Variants in WEE2 observed in about 807,000 individuals in gnomAD.
WEE2 encodes WEE2 oocyte meiosis inhibiting kinase.
In WEE2, 50 loss-of-function variants were observed where a neutral mutation model predicts 60.1. The observed-to-expected ratio is 0.83, with a 90% confidence interval of 0.66 to 1.05. The LOEUF (loss-of-function observed/expected upper bound fraction) is 1.05. Among genes scored for constraint, WEE2 ranks in the 50% least tolerant of loss-of-function variants. The pLI is 0.00. For synonymous variants in WEE2, 240 were observed against 241.0 expected, an observed-to-expected ratio of 1.00 and a Z score of 0.04; for missense variants, 631 against 684.3, an observed-to-expected ratio of 0.92 and a Z score of 0.87.
intron 11 of WEE2, among the ~76,000 whole-genome samples, 187 bp downstream of exon 11, chr7:141,729,860 C>A (rs1005594385): frequency 6.6e-6 from 1 of 151,940 alleles, no homozygotes. Flanking sequence ...AGGTGGCAGG[C>A]GCCTATAATC....
intron 1 of WEE2, among the ~76,000 whole-genome samples, chr7:141,710,483 C>G (rs888781123): frequency 1.3e-5 from 2 of 152,060 alleles, no homozygotes; most frequent in African/African-American, 4.8e-5. Context: ...CTGGCAAAAC[C>G]CATTCACTGC....
intron 1 of WEE2, 132 bp downstream of exon 1, chr7:141,709,232 T>C (rs1798673103): frequency 6.0e-6 from 4 of 661,724 alleles, no homozygotes; most frequent in South Asian, 2.3e-5. Flanking sequence ...TACACATTTA[T>C]TGATGAAAAT....
intron 1 of WEE2, among the ~76,000 whole-genome samples, chr7:141,713,769 A>C (rs937168886): frequency 6.6e-6 from 1 of 152,240 alleles, no homozygotes; most frequent in Non-Finnish European, 1.5e-5. Context: ...ACCACTTGGC[A>C]TCTAACCCAG....
intron 3 of WEE2, among the ~76,000 whole-genome samples, chr7:141,718,599 A>G (rs1166242020): frequency 3.3e-5 from 5 of 152,122 alleles, no homozygotes; most frequent in Admixed American, 2.0e-4. Context: ...CCAGGCTGGT[A>G]TTTTTGGGAA....
Position 141,730,595 on chromosome 7 carries a change from T to C in WEE2, c.*275T>C. On this transcript the variant is annotated 3_prime_UTR_variant, in exon 12 of 12. Transcript: ENST00000397541. ...ATATTGTATTTATTAAATAAATGGTTTCACCATTATGTGAGGTGGGTAAAA... is the reference window on the plus strand; with the variant it reads ...ATATTGTATTTATTAAATAAATGGTCTCACCATTATGTGAGGTGGGTAAAA... The C allele has an allele frequency of 3.0e-6, 1 of 337,460 alleles. No individual in the cohort carries two copies. Among genetic ancestry groups the C allele is most frequent in the Non-Finnish European group, 5.3e-6 (1 of 187,792 alleles). 20.9% of individuals were successfully genotyped at this position (337,460 alleles called of 1,614,324 possible).
chr7:141,715,177 C>A (rs1798775278), intron 2 of WEE2, among the ~76,000 whole-genome samples: 1 of 152,204 alleles, frequency 6.6e-6, no homozygotes, highest in Non-Finnish European at 1.5e-5. Context: ...TAGGTTCTCT[C>A]AACACTATCT....
intron 2 of WEE2, 25 bp from the exon 3 acceptor site, chr7:141,716,197 A>G (rs764632712): frequency 1.2e-6 from 2 of 1,602,434 alleles, no homozygotes; most frequent in Non-Finnish European, 1.7e-6. Context: ...TTATATATTG[A>G]TAAACTTTTT....
At chr7:141,709,785 A>G (rs1271977663) in intron 1 of WEE2, among the ~76,000 whole-genome samples, 1 of 152,154 alleles carries the variant, frequency 6.6e-6, no homozygotes, top group Non-Finnish European at 1.5e-5. Flanking sequence ...CTAGTAGCAT[A>G]TTCCTTTATT....
intron 3 of WEE2, among the ~76,000 whole-genome samples, chr7:141,717,557 C>G (rs1167993879): frequency 6.6e-6 from 1 of 152,160 alleles, no homozygotes; most frequent in Non-Finnish European, 1.5e-5. Context: ...GGAGTTAAAA[C>G]CTTTGAAATT....
At chr7:141,718,415 C>T (rs1332735474) in intron 3 of WEE2, among the ~76,000 whole-genome samples, 4 of 152,082 alleles carry the variant, frequency 2.6e-5, no homozygotes, top group Non-Finnish European at 2.9e-5. Context: ...CCATGATCTT[C>T]ATCCTACAGA....
chr7:141,719,325 A>AC, intron 4 of WEE2, 81 bp downstream of exon 4: 4 of 1,268,144 alleles, frequency 3.2e-6, no homozygotes, highest in Non-Finnish European at 4.3e-6. Context: ...AAATTAAAGC[A>AC]CCGATGTCAT....
chr7:141,716,031 G>A (rs1292378143), intron 2 of WEE2, among the ~76,000 whole-genome samples, 191 bp from the exon 3 acceptor site: 2 of 152,056 alleles, frequency 1.3e-5, no homozygotes, highest in African/African-American at 4.8e-5. Flanking sequence ...ATTGAGTGCT[G>A]TCCATGGTAT....
chr7:141,714,248 C>T lies in WEE2; in HGVS notation c.382C>T (p.Leu128Phe), dbSNP rs758631547. 2 of 1,613,022 alleles carry T rather than the reference C, an allele frequency of 1.2e-6. No individual in the cohort carries two copies. Among genetic ancestry groups the T allele is most frequent in the Non-Finnish European group, 8.5e-7 (1 of 1,179,654 alleles). Residue 128 changes from leucine to phenylalanine, a missense_variant, in exon 2 of 12, where the codon CTT (leucine) becomes TTT (phenylalanine). By Grantham distance (22) the Leu-to-Phe change is conservative. Coordinates refer to ENST00000397541, the MANE Select transcript of WEE2 (RefSeq NM_001105558.1). ...SRLVISPTGKLPSRGPKHLKL... is the reference protein window; with the variant it reads ...SRLVISPTGKFPSRGPKHLKL... ...GTTGGTGATTTCTCCAACAGGGAAGCTTCCTTCCAGAGGCCCTAAGCATTT... is the reference window on the plus strand; with the variant it reads ...GTTGGTGATTTCTCCAACAGGGAAGTTTCCTTCCAGAGGCCCTAAGCATTT...
chr7:141,720,259 G>A (rs1798887422), intron 4 of WEE2, among the ~76,000 whole-genome samples: 1 of 143,744 alleles, frequency 7.0e-6, no homozygotes, highest in Non-Finnish European at 1.5e-5. Context: ...AGGTTGAAGT[G>A]ATTCTCCTGC....
At chr7:141,716,665 T>C (rs1226287807) in intron 3 of WEE2, among the ~76,000 whole-genome samples, 1 of 152,152 alleles carries the variant, frequency 6.6e-6, no homozygotes, top group African/African-American at 2.4e-5. Context: ...ATGTATATGC[T>C]GGATCATTAC....
Position 141,708,687 on chromosome 7 carries a change from C to T in WEE2, c.-72C>T. 1 of 1,348,892 alleles carries T rather than the reference C, an allele frequency of 7.4e-7. No homozygotes were observed. The highest frequency in any genetic ancestry group is 1.0e-6 in the Non-Finnish European group (1 of 977,928). The allele number at this position is 1,348,892 out of a possible 1,614,324, so 83.6% of individuals were successfully genotyped here. On this transcript the variant is annotated 5_prime_UTR_variant, in exon 1 of 12. Transcript: ENST00000397541. ...TGCAGGTTAAGTTATTTTCTCCTCC[C>T]TGCTTCTGTAGGTTCACAGCGTTCC...
At chr7:141,725,624 C>CA (rs34460684) in intron 9 of WEE2, among the ~76,000 whole-genome samples, 2,015 of 101,064 alleles carry the variant, frequency 0.02, 58 homozygotes, top group African/African-American at 0.065. Flanking sequence ...GACTCCGTCT[C>CA]AAAAAAAAAA....
Position 141,729,654 on chromosome 7 carries a change from A to G in WEE2, c.1659A>G (p.Ala553=), listed in dbSNP as rs748236832. ...AACGCCTGGTGGGAGGAAAGAGTGC[A>G]AGGTCTTCAAGCTTTACCTGTGAGT... ...STKRLVGGKS[A]RSSSFTSGER... Residue 553 remains alanine, a synonymous_variant, in exon 11 of 12, where the codon GCA becomes GCG. Transcript: ENST00000397541. 4.3e-6 allele frequency: 7 copies of G among 1,613,394 alleles called. 1 individual carries two copies. The South Asian group carries it at 7.7e-5, about 18-fold the overall frequency.
intron 5 of WEE2, among the ~76,000 whole-genome samples, chr7:141,721,802 CCTTA>C: frequency 6.6e-6 from 1 of 152,196 alleles, no homozygotes; most frequent in Admixed American, 6.5e-5. Context: ...AACGCTCTTT[CCTTA>C]CTTATTGTTT....
Sources: allele counts gnomAD v4.1 joint callset (sites outside exome capture counted in the v4.1 genomes callset), GRCh38; gene constraint gnomAD v4.1.1; transcripts MANE v1.5; gene names NCBI Gene and HGNC (gene_info 2026-07-23, HGNC 2026-07-21).